Variants in RTTN observed in about 807,000 individuals in gnomAD.
The protein encoded by RTTN is rotatin.
In RTTN, 182 loss-of-function variants were observed where a neutral mutation model predicts 269.2. The observed-to-expected ratio is 0.68, with a 90% confidence interval of 0.60 to 0.76. The LOEUF (loss-of-function observed/expected upper bound fraction) is 0.76, where lower values mean the gene tolerates loss of function less well. Among genes scored for constraint, RTTN ranks in the 30% least tolerant of loss-of-function variants. RTTN has a pLI of 0.00. For synonymous variants in RTTN, 1,006 were observed against 963.5 expected (o/e 1.04, Z -0.82); for missense variants, 2,545 against 2,608.6 (o/e 0.98, Z 0.53).
rs779011598 is a variant in RTTN at position 70,176,729 on chromosome 18, G to A, written c.1422C>T (p.Ile474=). 5 of 1,613,972 alleles carry A rather than the reference G, an allele frequency of 3.1e-6. No individual in the cohort carries two copies. Among genetic ancestry groups the A allele is most frequent in the Non-Finnish European group, 4.2e-6 (5 of 1,179,974 alleles). The change falls in exon 11 of 49, where the codon ATC becomes ATT. Residue 474 remains isoleucine, a synonymous_variant. Transcript: ENST00000640769. The stretch of plus-strand genomic sequence containing the variant: ...GTCGAACTGCAAACAGGGAAATGCT[G>A]ATAAAGGCCATTCTGTGGTGCACAA... ...VMLVHHRMAF[I]SISLFAVRLL...
chr18:70,173,507 A>AG (rs898458427), intron 11 of RTTN, among the ~76,000 whole-genome samples: 4 of 151,928 alleles, frequency 2.6e-5, no homozygotes, highest in South Asian at 2.1e-4. Flanking sequence ...AAAAAAAAAA[A>AG]AAAAGAAAAT....
chr18:70,127,963 T>G (rs1263799424), intron 24 of RTTN: 2 of 524,668 alleles, frequency 3.8e-6, no homozygotes, highest in Non-Finnish European at 3.4e-6. Flanking sequence ...TTATAAAAAT[T>G]TTTATTCACT....
At chr18:70,028,046 G>A (rs1010658701) in intron 43 of RTTN, among the ~76,000 whole-genome samples, 3 of 151,916 alleles carry the variant, frequency 2.0e-5, no homozygotes, top group Non-Finnish European at 4.4e-5. Flanking sequence ...TTCGTGGCCA[G>A]CTTTTATAAA....
Position 70,017,672 on chromosome 18 carries a change from A to G in RTTN, c.6156T>C (p.Ser2052=). The G allele has an allele frequency of 2.5e-6, 4 of 1,608,148 alleles. No individual in the cohort carries two copies. Among genetic ancestry groups the G allele is most frequent in the South Asian group, 1.1e-5 (1 of 90,188 alleles). The part of the protein sequence containing the change: ...SHDCKGVIQK[S]NFLQNFLSLA... ...GAGAGAGGAAGTTCTGTAAGAAGTT[A>G]CTCTGTGGATAAATAGAGAGAATAT... Residue 2052 remains serine (S), a splice_region_variant and synonymous_variant, in exon 46 of 49, where the codon AGT becomes AGC. Coordinates refer to ENST00000640769, the MANE Select transcript of RTTN (RefSeq NM_173630.4).
chr18:70,118,937 C>T (rs1446414036), intron 26 of RTTN, among the ~76,000 whole-genome samples: 7 of 151,910 alleles, frequency 4.6e-5, no homozygotes, highest in Middle Eastern at 3.2e-3. Flanking sequence ...AATCCCAACA[C>T]AATAAAGGCC....
In RTTN at chr18:70,059,957, T is replaced by C. The variant is rs1213638728; in HGVS notation, c.4833A>G (p.Pro1611=). 1.9e-6 allele frequency: 3 copies of C among 1,613,882 alleles called. No homozygotes were observed. The highest frequency in any genetic ancestry group is 1.1e-5 in the South Asian group (1 of 91,068). The part of the protein sequence containing the change: ...PLPKLCVFVT[P]SLLSAMCSLL... ...GGCTGCACATTGCTGAAAGAAGAGATGGAGTAACAAAAACACACAGTTTGG... is the reference window on the plus strand; with the variant it reads ...GGCTGCACATTGCTGAAAGAAGAGACGGAGTAACAAAAACACACAGTTTGG... The change falls in exon 36 of 49, where the codon CCA becomes CCG. Residue 1611 remains proline, a synonymous_variant. Transcript: ENST00000640769.
At chr18:70,118,903 T>C (rs1159876749) in intron 26 of RTTN, among the ~76,000 whole-genome samples, 1 of 151,930 alleles carries the variant, frequency 6.6e-6, no homozygotes, top group African/African-American at 2.4e-5. Context: ...TAATAAAAAC[T>C]CTCAATAAAT....
intron 26 of RTTN, among the ~76,000 whole-genome samples, chr18:70,120,661 A>G (rs2059712910): frequency 6.6e-6 from 1 of 152,188 alleles, no homozygotes; most frequent in Non-Finnish European, 1.5e-5. Context: ...ATAAAGAGAC[A>G]GATAGACCAA....
At position 70,073,986 on chromosome 18, in the gene RTTN, C is replaced by A; in HGVS notation, c.4573G>T (p.Asp1525Tyr). 2 of 1,609,910 alleles carry A rather than the reference C, an allele frequency of 1.2e-6. No individual in the cohort carries two copies. The highest frequency in any genetic ancestry group is 2.2e-5 in the South Asian group (2 of 90,926). Residue 1525 changes from aspartate to tyrosine, a missense_variant, in exon 34 of 49, where the codon GAC becomes TAC. By Grantham distance (160) the Asp-to-Tyr change is radical. Coordinates refer to ENST00000640769, the MANE Select transcript of RTTN (RefSeq NM_173630.4). ...GGAGCCCTCCAAAACTTGAATGAGT[C>A]ATCTAAACCTGCAACAACGAGAAAA... ...SESNDLNGLDDSFKFWRAPSR... is the reference protein window; with the variant it reads ...SESNDLNGLDYSFKFWRAPSR...
intron 14 of RTTN, 56 bp from the exon 15 acceptor site, chr18:70,150,789 G>A (rs2060517636): frequency 9.4e-6 from 13 of 1,377,492 alleles, no homozygotes; most frequent in Non-Finnish European, 1.3e-5. Context: ...TTTTCCAAAA[G>A]ATCCATCTTT....
chr18:70,023,406 C>A (rs2056762522), intron 44 of RTTN, among the ~76,000 whole-genome samples: 1 of 152,188 alleles, frequency 6.6e-6, no homozygotes, highest in Admixed American at 6.5e-5. Flanking sequence ...TTGAATTCAA[C>A]TCCAGCTTAC....
chr18:70,090,208 G>C (rs532534231), intron 30 of RTTN, among the ~76,000 whole-genome samples: 59 of 152,294 alleles, frequency 3.9e-4, no homozygotes, highest in Middle Eastern at 6.8e-3. Context: ...TGCTACAGTG[G>C]TCCCTCCCTT....
At chr18:70,086,579 TCTA>T in intron 32 of RTTN, 31 bp downstream of exon 32, 1 of 1,428,394 alleles carries the variant, frequency 7.0e-7, no homozygotes, top group South Asian at 1.2e-5. Context: ...ATTTGAAACA[TCTA>T]CTAGGTTGAT....
At chr18:70,005,299 A>G (rs760293809) in intron 47 of RTTN, 32 bp from the exon 48 acceptor site, 1 of 1,527,516 alleles carries the variant, frequency 6.5e-7, no homozygotes, top group Middle Eastern at 1.7e-4. Context: ...GTTTCTTGCC[A>G]TGTGTTATGG....
At chr18:70,176,200 GATGTATATGTATATGTAT>G (rs71816542) in intron 11 of RTTN, among the ~76,000 whole-genome samples, 9,817 of 137,570 alleles carry the variant, frequency 0.071, 569 homozygotes, top group African/African-American at 0.17. Flanking sequence ...TGTAGATGTA[GATGTATATGTATATGTAT>G]ATGTATATGT....
chr18:70,061,589 A>G (rs2057988511), intron 35 of RTTN, among the ~76,000 whole-genome samples: 1 of 152,188 alleles, frequency 6.6e-6, no homozygotes, highest in Admixed American at 6.5e-5. Flanking sequence ...GTAATTCCAG[A>G]ATTTTGTGAG....
chr18:70,083,326 T>C (rs893651192), intron 32 of RTTN, among the ~76,000 whole-genome samples: 1 of 152,208 alleles, frequency 6.6e-6, no homozygotes, highest in African/African-American at 2.4e-5. Context: ...TTACTTATGA[T>C]ATTAAGACCA....
At position 70,065,904 on chromosome 18, in the gene RTTN, T is replaced by C; in HGVS notation, c.4672A>G (p.Ser1558Gly). ...SETTVAPSLG[S>G]TEFQPLVQST... ...TGCACAAGTGGCTGAAATTCAGTACTCCCCAATGAAGGTGCCACCTATGAA... is the reference window on the plus strand; with the variant it reads ...TGCACAAGTGGCTGAAATTCAGTACCCCCCAATGAAGGTGCCACCTATGAA... The change falls in exon 35 of 49, where the codon AGT becomes GGT. Residue 1558 changes from serine to glycine, a missense_variant. Ser to Gly is a moderately conservative substitution (Grantham distance 56). Coordinates refer to ENST00000640769, the MANE Select transcript of RTTN (RefSeq NM_173630.4). 6.3e-7 allele frequency: 1 copy of C among 1,599,138 alleles called. No individual in the cohort carries two copies. The highest frequency in any genetic ancestry group is 8.5e-7 in the Non-Finnish European group (1 of 1,171,908).
chr18:70,016,113 G>A (rs541382754), intron 46 of RTTN, among the ~76,000 whole-genome samples: 11 of 152,310 alleles, frequency 7.2e-5, no homozygotes, highest in Non-Finnish European at 1.2e-4. Flanking sequence ...GGTTAGGTCT[G>A]CTACAAGCTA....
Sources: allele counts gnomAD v4.1 joint callset (sites outside exome capture counted in the v4.1 genomes callset), GRCh38; gene constraint gnomAD v4.1.1; transcripts MANE v1.5; gene names NCBI Gene and HGNC (gene_info 2026-07-23, HGNC 2026-07-21).